The following CELF2 variants were observed in gnomAD, a reference collection of about 807,000 sequenced individuals.
The protein encoded by CELF2 is CUG triplet repeat RNA-binding protein 2.
CELF2 carries 8 observed loss-of-function variants against 62.6 expected under a neutral mutation model. The observed-to-expected ratio is 0.13, with a 90% CI of 0.07 to 0.23. CELF2 has a LOEUF of 0.23. CELF2 is among the 10% of genes least tolerant of loss of function. CELF2 has a pLI of 1.00. For synonymous variants in CELF2, 258 were observed against 250.0 expected (o/e 1.03, Z -0.30); for missense variants, 333 against 671.0 (o/e 0.50, Z 5.56).
At chr10:10,849,408 A>G (rs570978126) in intron 1 of CELF2, among the ~76,000 whole-genome samples, 1 of 152,254 alleles carries the variant, frequency 6.6e-6, no homozygotes, top group East Asian at 1.9e-4. Context: ...CTCCATCTCC[A>G]AAAACAAAAA....
At chr10:10,705,455 T>G in the CELF2 span, among the ~76,000 whole-genome samples, 1 of 151,708 alleles carries the variant, frequency 6.6e-6, no homozygotes, top group Non-Finnish European at 1.5e-5. Context: ...TTTAATTTCC[T>G]ATTGTGGGAT....
At chr10:10,752,294 T>C in the CELF2 span, among the ~76,000 whole-genome samples, 2 of 152,222 alleles carry the variant, frequency 1.3e-5, no homozygotes, top group African/African-American at 4.8e-5. Flanking sequence ...ATGTCTAAGA[T>C]GCCAGTAGTA....
the CELF2 span, among the ~76,000 whole-genome samples, chr10:10,655,993 C>T: frequency 1.4e-5 from 2 of 146,820 alleles, no homozygotes; most frequent in African/African-American, 5.0e-5. Flanking sequence ...GGCTAATATC[C>T]AGAATCTACA....
intron 1 of CELF2, among the ~76,000 whole-genome samples, chr10:11,031,492 T>C (rs543386356): frequency 9.2e-5 from 14 of 152,308 alleles, no homozygotes; most frequent in African/African-American, 3.1e-4. Context: ...GAAGGGATAA[T>C]AGAAAAGTTA....
At chr10:10,878,423 C>T (rs2061245826) in intron 1 of CELF2, among the ~76,000 whole-genome samples, 1 of 152,196 alleles carries the variant, frequency 6.6e-6, no homozygotes, top group African/African-American at 2.4e-5. Flanking sequence ...GAATCAGTTT[C>T]CTTTCATGAA....
chr10:10,868,807 T>C (rs538617437), intron 1 of CELF2, among the ~76,000 whole-genome samples: 2 of 152,358 alleles, frequency 1.3e-5, no homozygotes, highest in East Asian at 3.9e-4. Flanking sequence ...ACGTATATTA[T>C]AGTTCAATAA....
At chr10:10,538,368 G>C in the CELF2 span, among the ~76,000 whole-genome samples, 8 of 152,328 alleles carry the variant, frequency 5.3e-5, no homozygotes, top group African/African-American at 1.2e-4. Flanking sequence ...GTCTCAGAGA[G>C]AGATGCAGAA....
At chr10:11,154,563 T>A (rs904634057) in intron 1 of CELF2, among the ~76,000 whole-genome samples, 2 of 152,222 alleles carry the variant, frequency 1.3e-5, no homozygotes, top group African/African-American at 4.8e-5. Flanking sequence ...AGGCGCACGT[T>A]TGAACTGCTG....
chr10:11,103,804 A>G (rs989751403), intron 1 of CELF2, among the ~76,000 whole-genome samples: 9 of 152,328 alleles, frequency 5.9e-5, no homozygotes, highest in Admixed American at 5.2e-4. Flanking sequence ...GAATTCGTAT[A>G]TAGATGTAGT....
chr10:10,690,358 C>T, the CELF2 span, among the ~76,000 whole-genome samples: 1 of 152,212 alleles, frequency 6.6e-6, no homozygotes, highest in South Asian at 2.1e-4. Context: ...CCCAGTCTAT[C>T]AGCCTACATG....
At chr10:11,180,354 C>G (rs77467415) in intron 2 of CELF2, among the ~76,000 whole-genome samples, 1 of 152,200 alleles carries the variant, frequency 6.6e-6, no homozygotes, top group African/African-American at 2.4e-5. Flanking sequence ...TCCACCACCG[C>G]TTCTGTGACC....
upstream of CELF2, chr10:11,005,031 T>C (rs944828848): frequency 1.0e-6 from 1 of 985,104 alleles, no homozygotes; most frequent in Non-Finnish European, 1.2e-6. This position sits in a 1 kb window ranked among gnomAD's most constrained non-coding sequence, Gnocchi z 4.3. Context: ...GTTTTTTTTG[T>C]TCCCCCAATT....
intron 1 of CELF2, among the ~76,000 whole-genome samples, chr10:11,079,864 A>C (rs1285414854): frequency 6.6e-6 from 1 of 151,934 alleles, no homozygotes; most frequent in Non-Finnish European, 1.5e-5. Context: ...ATATGATCAG[A>C]GTTACCACAG....
chr10:11,031,984 TC>T (rs2060186242), intron 1 of CELF2, among the ~76,000 whole-genome samples: 1 of 152,032 alleles, frequency 6.6e-6, no homozygotes, highest in Admixed American at 6.6e-5. Context: ...ACACAAGTCC[TC>T]TATTTCCACC....
the CELF2 span, among the ~76,000 whole-genome samples, chr10:10,496,090 TC>T: frequency 1.3e-5 from 2 of 152,216 alleles, no homozygotes; most frequent in Admixed American, 6.5e-5. Context: ...TTTGCTCATG[TC>T]CCCATTTGAC....
intron 1 of CELF2, among the ~76,000 whole-genome samples, chr10:11,133,107 C>T (rs935755578): frequency 4.6e-5 from 7 of 152,116 alleles, no homozygotes; most frequent in East Asian, 3.8e-4. Flanking sequence ...TACTTTAGAA[C>T]GCTAGCATCA....
chr10:11,062,140 A>G (rs1023421765), intron 1 of CELF2, among the ~76,000 whole-genome samples: 1 of 151,526 alleles, frequency 6.6e-6, no homozygotes, highest in South Asian at 2.1e-4. Flanking sequence ...GTTGAGACCT[A>G]CTGCTCAGGG....
chr10:10,530,743 G>C, the CELF2 span, among the ~76,000 whole-genome samples: 1 of 152,226 alleles, frequency 6.6e-6, no homozygotes, highest in African/African-American at 2.4e-5. Context: ...TGAGTGCTGA[G>C]ATGGGTCCAT....
the CELF2 span, among the ~76,000 whole-genome samples, chr10:10,696,745 G>C: frequency 5.3e-5 from 8 of 152,166 alleles, no homozygotes; most frequent in African/African-American, 1.4e-4. Flanking sequence ...CGCAGTATTT[G>C]GGTGGGAGTG....
Sources: allele counts gnomAD v4.1 joint callset (sites outside exome capture counted in the v4.1 genomes callset), GRCh38; gene constraint gnomAD v4.1.1; non-coding constraint Gnocchi (gnomAD v3.1); transcripts MANE v1.5; gene names NCBI Gene and HGNC (gene_info 2026-07-23, HGNC 2026-07-21).